Variants in NCOR2 observed in about 807,000 individuals in gnomAD.
NCOR2 encodes the protein nuclear receptor corepressor 2, also known as CTG repeat protein 26.
A neutral mutation model predicts 262.9 loss-of-function variants in NCOR2; 81 were observed. The observed-to-expected ratio is 0.31, with a 90% CI of 0.26 to 0.37. The LOEUF is 0.37. Among genes scored for constraint, NCOR2 ranks in the 10% least tolerant of loss-of-function variants. NCOR2 has a pLI of 1.00. For missense variants in NCOR2, 3,385 were observed against 3,621.4 expected (o/e 0.93, Z 1.68); for synonymous variants, 1,659 against 1,559.3 (o/e 1.06, Z -1.51).
intron 28 of NCOR2, chr12:124,349,064 G>C (rs1208219982): frequency 6.6e-6 from 1 of 152,360 alleles, no homozygotes; most frequent in Non-Finnish European, 1.5e-5. Context: ...CGATGTGCAT[G>C]TGAGTGTCCG....
At chr12:124,502,917 T>C (rs1026936389) in intron 1 of NCOR2, among the ~76,000 whole-genome samples, 2 of 152,158 alleles carry the variant, frequency 1.3e-5, no homozygotes, top group African/African-American at 2.4e-5. Flanking sequence ...CCTCCACCCA[T>C]GCACAGCGGC....
At chr12:124,484,362 G>C (rs1319666037) in intron 2 of NCOR2, among the ~76,000 whole-genome samples, 1 of 152,170 alleles carries the variant, frequency 6.6e-6, no homozygotes, top group Non-Finnish European at 1.5e-5. Flanking sequence ...TTTCCCCAGC[G>C]ACTGGCTCTC....
At position 124,517,331 on chromosome 12, in the gene NCOR2, A is replaced by G. The variant is rs2049872192; in HGVS notation, c.-118+18234T>C. ...CTCCCTATGGCCGCGGCGCACCCAG[A>G]CCTCAGGACAAATCACTCCCTCATC... On this transcript the variant is annotated intron_variant, in intron 1 of 46. Transcript: ENST00000404621. This position sits in a 1 kb window ranked among gnomAD's most constrained non-coding sequence, Gnocchi z 7.6. 6.6e-6 allele frequency among the ~76,000 whole-genome samples: 1 copy of G among 151,958 alleles called. No homozygotes were observed. The highest frequency in any genetic ancestry group is 1.5e-5 in the Non-Finnish European group (1 of 67,944).
rs149840504 is a variant in NCOR2 at position 124,430,217 on chromosome 12, G to A, written c.1055+398C>T. ...ATAGAACCACAGCTGCCTGTCACCA[G>A]GCACCTCTCAGATGGGGCCCACCCA... On this transcript the variant is annotated intron_variant, in intron 9 of 46. Coordinates refer to ENST00000405201, the Ensembl canonical transcript of NCOR2. 6.2e-3 allele frequency among the ~76,000 whole-genome samples: 942 copies of A among 152,264 alleles called. 13 individuals carry two copies. The highest frequency in any genetic ancestry group is 6.2e-3 in the Non-Finnish European group (425 of 68,012).
At chr12:124,562,135 T>C (rs2052093095) in intron 1 of NCOR2, 1 of 152,124 alleles carries the variant, frequency 6.6e-6, no homozygotes, top group South Asian at 2.1e-4. Flanking sequence ...TCGGGTTAAG[T>C]AGCCATTAGC....
At chr12:124,329,075 G>A (rs200475420) in intron 44 of NCOR2, 182 of 469,334 alleles carry the variant, frequency 3.9e-4, no homozygotes, top group Non-Finnish European at 7.3e-4. Flanking sequence ...CAGGCTTAAC[G>A]ATCTCCATTT....
At chr12:124,400,788 A>G (rs2041949241) in intron 14 of NCOR2, 115 bp from the exon 17 acceptor site, 1 of 1,325,602 alleles carries the variant, frequency 7.5e-7, no homozygotes, top group African/African-American at 1.5e-5. Flanking sequence ...CATGGCACTA[A>G]TCGGACGCTA....
intron 7 of NCOR2, among the ~76,000 whole-genome samples, chr12:124,441,474 T>C (rs971795152): frequency 1.3e-5 from 2 of 152,008 alleles, no homozygotes; most frequent in Non-Finnish European, 2.9e-5. Context: ...TCTTCTAGAG[T>C]TCCAATGAAT....
intron 1 of NCOR2, among the ~76,000 whole-genome samples, chr12:124,559,354 A>G (rs1300726426): frequency 6.6e-6 from 1 of 152,172 alleles, no homozygotes; most frequent in Non-Finnish European, 1.5e-5. Flanking sequence ...CCCCACCTCC[A>G]GGGCATTCCC....
At chr12:124,409,686 T>C (rs566326952) in intron 13 of NCOR2, among the ~76,000 whole-genome samples, 1 of 151,960 alleles carries the variant, frequency 6.6e-6, no homozygotes, top group Non-Finnish European at 1.5e-5. Context: ...TGTTTGCCCT[T>C]TTTTTTGGAC....
At chr12:124,447,120 G>A (rs2045225638) in intron 7 of NCOR2, among the ~76,000 whole-genome samples, 1 of 152,192 alleles carries the variant, frequency 6.6e-6, no homozygotes, top group African/African-American at 2.4e-5. Context: ...TCACCATGTC[G>A]GCCAGGCTGG....
chr12:124,539,717 T>G (rs2051231340), upstream of NCOR2: 1 of 152,262 alleles, frequency 6.6e-6, no homozygotes, highest in South Asian at 2.1e-4. The surrounding 1 kb of genome is among the most constrained non-coding windows in gnomAD (Gnocchi z 5.1). Context: ...ACCCCCCTTG[T>G]CAGCTCCCAA....
In NCOR2 at chr12:124,372,645, G is replaced by C. The variant is rs140392282; in HGVS notation, c.2219-35C>G. 2.4e-3 allele frequency: 3,691 copies of C among 1,556,600 alleles called. 24 individuals carry two copies. The Middle Eastern group carries it at 0.027, about 11-fold the overall frequency. On this transcript the variant is annotated intron_variant, in intron 19 of 46. Transcript: ENST00000405201. ...GCGAGAAGGAAGAGGGGATGAGCAG[G>C]GTCTGGCGGGGCCTCCAGAAGAGAT...
chr12:124,371,903 A>C, intron 20 of NCOR2, 119 bp downstream of exon 22: 1 of 1,046,894 alleles, frequency 9.6e-7, no homozygotes, highest in Non-Finnish European at 1.3e-6. Flanking sequence ...CTCCCTAACC[A>C]CACCTCGGGC....
At chr12:124,395,110 C>T (rs1463198311) in intron 16 of NCOR2, among the ~76,000 whole-genome samples, 1 of 152,230 alleles carries the variant, frequency 6.6e-6, no homozygotes, top group Non-Finnish European at 1.5e-5. Flanking sequence ...GGGGCTGGCT[C>T]ATTCCTGAGT....
At chr12:124,400,505 C>A (rs1180432574) in exon 15 of NCOR2, 1 of 1,613,012 alleles carries the variant, frequency 6.2e-7, no homozygotes, top group South Asian at 1.1e-5. Context: ...GCTCACCCAG[C>A]TCGGCGCTCT....
At chr12:124,353,058 A>G (rs2037635529) in intron 27 of NCOR2, among the ~76,000 whole-genome samples, 1 of 152,188 alleles carries the variant, frequency 6.6e-6, no homozygotes, top group Non-Finnish European at 1.5e-5. Flanking sequence ...ACCCTTGCCT[A>G]TCTCACATGT....
At chr12:124,445,158 C>T (rs769246403) in intron 7 of NCOR2, among the ~76,000 whole-genome samples, 2 of 152,224 alleles carry the variant, frequency 1.3e-5, no homozygotes, top group Non-Finnish European at 2.9e-5. Flanking sequence ...GGGCAACCCC[C>T]GGGCAGGCAG....
intron 16 of NCOR2, among the ~76,000 whole-genome samples, chr12:124,393,904 A>G (rs1181796795): frequency 2.6e-5 from 4 of 152,242 alleles, no homozygotes; most frequent in African/African-American, 9.6e-5. Flanking sequence ...ATTCACTATT[A>G]TTTCGTGCTC....
Sources: gnomAD v4.1 joint callset for allele counts (sites outside exome capture counted in the v4.1 genomes callset) on GRCh38, gnomAD v4.1.1 for gene constraint, Gnocchi (gnomAD v3.1) non-coding constraint, MANE v1.5 for transcripts, NCBI Gene and HGNC (gene_info 2026-07-23, HGNC 2026-07-21) for gene names.